The following CAST variants were observed in gnomAD, a reference collection of about 807,000 sequenced individuals.
CAST encodes MIR583 host.
In CAST, 76 loss-of-function variants were observed where a neutral mutation model predicts 119.6. That is an observed-to-expected ratio of 0.64 (90% CI 0.53 to 0.77). CAST has a LOEUF of 0.77. Among genes scored for constraint, CAST ranks in the 30% least tolerant of loss-of-function variants. The pLI, the probability that CAST is intolerant of heterozygous loss-of-function variation, is 0.00. For synonymous variants in CAST, 319 were observed against 331.6 expected (o/e 0.96, Z 0.41); for missense variants, 953 against 946.5 (o/e 1.01, Z -0.09).
At chr5:96,128,933 G>A in the CAST span, among the ~76,000 whole-genome samples, 1 of 152,148 alleles carries the variant, frequency 6.6e-6, no homozygotes, top group Non-Finnish European at 1.5e-5. Flanking sequence ...TGAAAGTAGG[G>A]CCAGTGATTG....
the CAST span, among the ~76,000 whole-genome samples, chr5:96,360,230 T>C: frequency 6.6e-6 from 1 of 152,026 alleles, no homozygotes; most frequent in East Asian, 1.9e-4. Flanking sequence ...AGTTAGAAAT[T>C]CCTCTAACAT....
chr5:96,702,805 CAG>C (rs1261179894), intron 3 of CAST: 1 of 985,372 alleles, frequency 1.0e-6, no homozygotes. Context: ...CCGTCGCACT[CAG>C]AGAGCTGGGC....
the CAST span, among the ~76,000 whole-genome samples, chr5:96,435,991 A>G: frequency 9.2e-5 from 14 of 152,342 alleles, no homozygotes; most frequent in African/African-American, 3.4e-4. Flanking sequence ...CATTTGGGCC[A>G]AGAAAAACAT....
the CAST span, among the ~76,000 whole-genome samples, chr5:96,435,321 T>C: frequency 1.4e-3 from 210 of 152,372 alleles, no homozygotes; most frequent in African/African-American, 4.9e-3. Context: ...TTGGTTTATA[T>C]ACCTAACAGG....
At chr5:96,369,475 G>T in the CAST span, among the ~76,000 whole-genome samples, 1 of 152,232 alleles carries the variant, frequency 6.6e-6, no homozygotes, top group East Asian at 1.9e-4. Flanking sequence ...ATTTAACTAT[G>T]GAGGACCAAA....
the CAST span, among the ~76,000 whole-genome samples, chr5:96,120,692 ATATT>A: frequency 6.8e-6 from 1 of 147,908 alleles, no homozygotes; most frequent in African/African-American, 2.5e-5. Context: ...TAAATAATAT[ATATT>A]AATGTGCCAA....
chr5:96,453,292 C>T, the CAST span, among the ~76,000 whole-genome samples: 1 of 152,096 alleles, frequency 6.6e-6, no homozygotes, highest in Non-Finnish European at 1.5e-5. Context: ...TTAACTTAGG[C>T]AGAGTTACTA....
the CAST span, among the ~76,000 whole-genome samples, chr5:96,494,865 C>CCCAG: frequency 2.6e-5 from 4 of 152,146 alleles, no homozygotes; most frequent in Non-Finnish European, 5.9e-5. Context: ...CGCCTGTAAT[C>CCCAG]CCAGCACTTT....
the CAST span, among the ~76,000 whole-genome samples, chr5:96,186,740 C>T: frequency 0.026 from 3,895 of 152,044 alleles, 179 homozygotes; most frequent in African/African-American, 0.09. Context: ...TGTGCTGGTA[C>T]GTTTGGTTTG....
At chr5:96,716,906 C>G (rs1757283886) in intron 3 of CAST, among the ~76,000 whole-genome samples, 1 of 152,190 alleles carries the variant, frequency 6.6e-6, no homozygotes, top group South Asian at 2.1e-4. Flanking sequence ...AGATGCTCAG[C>G]AGGCTTAATT....
intron 26 of CAST, among the ~76,000 whole-genome samples, 200 bp downstream of exon 26, chr5:96,765,525 GC>G (rs1561616380): frequency 6.6e-6 from 1 of 152,082 alleles, no homozygotes; most frequent in Admixed American, 6.5e-5. Context: ...TACCAGCGGA[GC>G]CTCCCTGAGG....
the CAST span, among the ~76,000 whole-genome samples, chr5:96,086,170 A>G: frequency 6.6e-6 from 1 of 152,154 alleles, no homozygotes; most frequent in Non-Finnish European, 1.5e-5. Context: ...TTTTTAACTT[A>G]TATTTTAAAA....
At chr5:96,482,607 A>T in the CAST span, among the ~76,000 whole-genome samples, 1 of 152,066 alleles carries the variant, frequency 6.6e-6, no homozygotes, top group South Asian at 2.1e-4. Flanking sequence ...CAATGAAGAA[A>T]AAAACTCCTC....
intron 3 of CAST, among the ~76,000 whole-genome samples, chr5:96,708,665 A>G (rs1032796946): frequency 6.6e-6 from 1 of 151,966 alleles, no homozygotes; most frequent in African/African-American, 2.4e-5. Flanking sequence ...TCATTTTTGT[A>G]TTTTTGATAG....
chr5:96,737,748 G>A, intron 10 of CAST, 101 bp from the exon 11 acceptor site: 1 of 616,718 alleles, frequency 1.6e-6, no homozygotes, highest in Non-Finnish European at 2.8e-6. Flanking sequence ...AACTTTTGGT[G>A]TTTGGTGGTT....
At chr5:96,456,857 A>G in the CAST span, among the ~76,000 whole-genome samples, 433 of 152,270 alleles carry the variant, frequency 2.8e-3, no homozygotes, top group Non-Finnish European at 4.6e-3. Context: ...TTCTCATGAT[A>G]GTGAGTTCTC....
chr5:96,177,866 C>T, the CAST span, among the ~76,000 whole-genome samples: 1 of 152,118 alleles, frequency 6.6e-6, no homozygotes, highest in Non-Finnish European at 1.5e-5. Context: ...CTAGTGATTC[C>T]CCTGTTGATT....
At chr5:96,340,307 G>C in the CAST span, among the ~76,000 whole-genome samples, 2 of 152,136 alleles carry the variant, frequency 1.3e-5, no homozygotes, top group East Asian at 1.9e-4. Flanking sequence ...TCCTTTTGTA[G>C]AAAGAACTTG....
chr5:96,085,474 T>C, the CAST span, among the ~76,000 whole-genome samples: 1 of 152,180 alleles, frequency 6.6e-6, no homozygotes, highest in African/African-American at 2.4e-5. Flanking sequence ...GACCCCAAAT[T>C]ATAAACATTA....
Sources: allele counts gnomAD v4.1 joint callset (sites outside exome capture counted in the v4.1 genomes callset), GRCh38; gene constraint gnomAD v4.1.1; transcripts MANE v1.5; gene names NCBI Gene and HGNC (gene_info 2026-07-23, HGNC 2026-07-21).